RARS1: variants seen among roughly 807,000 people sequenced by gnomAD.
RARS1 encodes the protein arginine--tRNA ligase, cytoplasmic.
Under a neutral mutation model 78.7 loss-of-function variants are expected in RARS1, and 75 were observed. The ratio of observed to expected loss-of-function variants is 0.95; its 90% CI spans 0.79 to 1.15. The LOEUF (loss-of-function observed/expected upper bound fraction) is 1.15. Among genes scored for constraint, RARS1 ranks in the 50% most tolerant of loss-of-function variants. RARS1 has a pLI of 0.00. For missense variants in RARS1, 787 were observed against 787.5 expected (o/e 1.00, Z 0.01); for synonymous variants, 273 against 268.2 (o/e 1.02, Z -0.18).
chr5:168,500,487 T>C, intron 7 of RARS1, 104 bp from the exon 8 acceptor site: 1 of 1,134,596 alleles, frequency 8.8e-7, no homozygotes, highest in Non-Finnish European at 1.1e-6. Flanking sequence ...TGTTTGTACT[T>C]TCTCACTGTG....
chr5:168,497,236 A>T lies in RARS1; in HGVS notation c.710A>T (p.His237Leu), dbSNP rs775832079. The T allele has an allele frequency of 6.4e-7, 1 of 1,557,954 alleles. No homozygotes were observed. The highest frequency in any genetic ancestry group is 8.7e-7 in the Non-Finnish European group (1 of 1,150,604). ...TCTCTGATTGGTGTTAGGTTAAATC[A>T]TGTAGGAGACTGGGGGACCCAGTTT... The part of the protein sequence containing the change: ...FAGYDVLRLN[H>L]VGDWGTQFGM... The change falls in exon 7 of 15, where the codon CAT becomes CTT. Residue 237 changes from histidine (H) to leucine (L), a missense_variant. Transcript: ENST00000231572.
chr5:168,502,666 G>T (rs990635030), intron 9 of RARS1, among the ~76,000 whole-genome samples: 1 of 150,488 alleles, frequency 6.6e-6, no homozygotes, highest in Non-Finnish European at 1.5e-5. Context: ...CCGCCTCCTG[G>T]GTTCAAGCAG....
chr5:168,506,667 T>G, intron 10 of RARS1, 55 bp from the exon 11 acceptor site: 37 of 1,228,518 alleles, frequency 3.0e-5, no homozygotes, highest in Non-Finnish European at 4.1e-5. Flanking sequence ...GAGCCTTAAG[T>G]CTTTTTTTTT....
At chr5:168,519,038 AAAGGAAAAC>A (rs1561830034) in intron 14 of RARS1, 34 bp from the exon 15 acceptor site, 8 of 1,529,420 alleles carry the variant, frequency 5.2e-6, no homozygotes, top group Non-Finnish European at 7.2e-6. Context: ...TGATTTTCAA[AAAGGAAAAC>A]AAGTTAATTA....
chr5:168,516,101 A>G (rs575552827), intron 12 of RARS1, among the ~76,000 whole-genome samples: 3 of 152,084 alleles, frequency 2.0e-5, no homozygotes, highest in African/African-American at 7.2e-5. Flanking sequence ...CTCCTTCCCA[A>G]TGTTTTCATT....
rs1261265043 is a variant in RARS1 at position 168,518,046 on chromosome 5, G to A, written c.1857G>A (p.Glu619=). ...TCTATGATAGCTGCTACTGTGTGGA[G>A]AAAGATAGACAGACTGGTGAGTGTC... ...TEFYDSCYCV[E]KDRQTGKILK... is the part of the protein sequence containing the mutation. Residue 619 remains glutamate (E), a synonymous_variant, in exon 14 of 15, where the codon GAG becomes GAA. Coordinates refer to ENST00000231572, the MANE Select transcript of RARS1 (RefSeq NM_002887.4). The A allele has an allele frequency of 6.5e-6, 8 of 1,221,658 alleles. No individual in the cohort carries two copies. Among genetic ancestry groups the A allele is most frequent in the Non-Finnish European group, 7.9e-6 (7 of 888,362 alleles). 75.7% of individuals were successfully genotyped at this position (1,221,658 alleles called of 1,614,324 possible). A position where few individuals can be genotyped will look rare whatever the true frequency, so the allele number is the denominator to read the frequency against.
rs145537512 is a variant in RARS1 at position 168,500,507 on chromosome 5, G to A, written c.823-84G>A. The A allele has an allele frequency of 3.7e-5, 47 of 1,274,410 alleles. No homozygotes were observed. The African/African-American group carries it at 5.6e-4, about 15-fold the overall frequency. The allele number at this position is 1,274,410 out of a possible 1,614,324, so 78.9% of individuals were successfully genotyped here. A position where few individuals can be genotyped will look rare whatever the true frequency, so the allele number is the denominator to read the frequency against. On this transcript the variant is annotated intron_variant, in intron 7 of 14. Transcript: ENST00000231572. ...GTACTTTCTCACTGTGTTTGTGTGT[G>A]TAGAAATGTGTAAGTTCTTTTTCTA...
intron 9 of RARS1, among the ~76,000 whole-genome samples, chr5:168,504,782 A>G (rs1229384840): frequency 6.6e-6 from 1 of 150,950 alleles, no homozygotes; most frequent in African/African-American, 2.4e-5. Context: ...CCGAGATCGC[A>G]CCACTGCACT....
At chr5:168,494,264 A>T (rs1414185275) in intron 4 of RARS1, 1 of 985,316 alleles carries the variant, frequency 1.0e-6, no homozygotes, top group African/African-American at 1.7e-5. Flanking sequence ...AATGGCAGAT[A>T]AGTCTTCGGC....
At chr5:168,512,116 G>A (rs910766563) in intron 12 of RARS1, among the ~76,000 whole-genome samples, 6 of 151,306 alleles carry the variant, frequency 4.0e-5, no homozygotes, top group Non-Finnish European at 7.3e-5. Context: ...GTCCCAAAGT[G>A]CTAGGATTAC....
At chr5:168,489,890 C>G (rs1423634957) in intron 2 of RARS1, among the ~76,000 whole-genome samples, 1 of 150,492 alleles carries the variant, frequency 6.6e-6, no homozygotes, top group Non-Finnish European at 1.5e-5. Context: ...TCTCAGCTCA[C>G]AATAACCTCC....
In RARS1 at chr5:168,518,067, G is replaced by GTTTT; in HGVS notation, c.1873+6_1873+7insTTTT. On this transcript the variant is annotated splice_donor_region_variant and intron_variant, in intron 14 of 14. Transcript: ENST00000231572. Reference sequence around the variant, plus strand: ...TGGAGAAAGATAGACAGACTGGTGAGTGTCTTTTTTTTTTTTTTTTTTTTT... The same window carrying GTTTT: ...TGGAGAAAGATAGACAGACTGGTGAGTTTTTGTCTTTTTTTTTTTTTTTTTTTTT... The GTTTT allele has an allele frequency of 1.3e-6, 1 of 782,174 alleles. No individual in the cohort carries two copies. Among genetic ancestry groups the GTTTT allele is most frequent in the Admixed American group, 5.0e-5 (1 of 19,976 alleles). 48.5% of individuals were successfully genotyped at this position (782,174 alleles called of 1,614,324 possible). A position where few individuals can be genotyped will look rare whatever the true frequency, so the allele number is the denominator to read the frequency against.
Position 168,519,073 on chromosome 5 carries a change from CT to C in RARS1, c.1874-4del. On this transcript the variant is annotated splice_region_variant and splice_polypyrimidine_tract_variant and intron_variant, in intron 14 of 14. Coordinates refer to ENST00000231572, the MANE Select transcript of RARS1 (RefSeq NM_002887.4). The stretch of plus-strand genomic sequence containing the variant: ...AAGTTAATTAACAACTTTTTTCTAT[CT>C]TTTCAGGAAAAATATTGAAGGTGAA... 2 of 1,595,654 alleles carry C rather than the reference CT, an allele frequency of 1.3e-6. No homozygotes were observed. The highest frequency in any genetic ancestry group is 1.7e-6 in the Non-Finnish European group (2 of 1,169,274).
At chr5:168,509,417 T>C (rs558979967) in intron 11 of RARS1, among the ~76,000 whole-genome samples, 22 of 141,988 alleles carry the variant, frequency 1.5e-4, no homozygotes, top group East Asian at 1.5e-3. Context: ...TTCATTGTTA[T>C]ATTTGAGGGA....
At chr5:168,504,577 A>G (rs1334024161) in intron 9 of RARS1, among the ~76,000 whole-genome samples, 1 of 151,542 alleles carries the variant, frequency 6.6e-6, no homozygotes, top group Non-Finnish European at 1.5e-5. Flanking sequence ...TTGTAATCCC[A>G]GCACTTTGGG....
At chr5:168,491,291 T>C (rs796431122) in intron 2 of RARS1, among the ~76,000 whole-genome samples, 5 of 152,278 alleles carry the variant, frequency 3.3e-5, no homozygotes, top group African/African-American at 1.2e-4. Flanking sequence ...ACCCAGGAGT[T>C]CAAGGTTACA....
intron 7 of RARS1, 136 bp from the exon 8 acceptor site, chr5:168,500,455 T>A: frequency 1.2e-6 from 1 of 826,068 alleles, no homozygotes; most frequent in Non-Finnish European, 1.6e-6. Flanking sequence ...TCTCAACTAT[T>A]GAGGGAGAGC....
At position 168,516,788 on chromosome 5, in the gene RARS1, C is replaced by G. The variant is rs1379518473; in HGVS notation, c.1463C>G (p.Ala488Gly). ...TTGTTTTTCCCAAAGGTCTTAACTG[C>G]AGAGGAATTGAATGCTGCTCAGACA... Reference protein sequence around the residue: ...KEKERDKVLTAEELNAAQTSV... With the variant: ...KEKERDKVLTGEELNAAQTSV... Residue 488 changes from alanine to glycine, a missense_variant, in exon 13 of 15, where the codon GCA becomes GGA. Coordinates refer to ENST00000231572, the MANE Select transcript of RARS1 (RefSeq NM_002887.4). 1.2e-6 allele frequency: 2 copies of G among 1,614,068 alleles called. No individual in the cohort carries two copies. Among genetic ancestry groups the G allele is most frequent in the Middle Eastern group, 3.3e-4 (2 of 6,062 alleles).
chr5:168,488,594 T>TC lies in RARS1; in HGVS notation c.46-5dup. The TC allele has an allele frequency of 1.9e-6, 3 of 1,593,878 alleles. No homozygotes were observed. Among genetic ancestry groups the TC allele is most frequent in the Non-Finnish European group, 2.6e-6 (3 of 1,174,654 alleles). On this transcript the variant is annotated splice_region_variant and splice_polypyrimidine_tract_variant and intron_variant, in intron 1 of 14. Coordinates refer to ENST00000231572, the MANE Select transcript of RARS1 (RefSeq NM_002887.4). ...TATGGACTGAAAAAAGTGCTTTTTT[T>TC]CCCACAGGAAGAAGAGATTAAATCT... is the stretch of plus-strand genomic sequence containing the variant.
Sources: allele counts gnomAD v4.1 joint callset (sites outside exome capture counted in the v4.1 genomes callset), GRCh38; gene constraint gnomAD v4.1.1; transcripts MANE v1.5; gene names NCBI Gene and HGNC (gene_info 2026-07-23, HGNC 2026-07-21).